The following CNBD1 variants were observed in gnomAD, a reference collection of about 807,000 sequenced individuals.
CNBD1 encodes the protein cyclic nucleotide binding domain containing 1, also known as cyclic nucleotide-binding domain-containing protein 1.
CNBD1 carries 71 observed loss-of-function variants against 54.4 expected under a neutral mutation model. That is an observed-to-expected ratio of 1.30 (90% CI 1.08 to 1.59). The LOEUF (loss-of-function observed/expected upper bound fraction) is 1.59, where lower values mean the gene tolerates loss of function less well. Among genes scored for constraint, CNBD1 ranks in the 40% most tolerant of loss-of-function variants. The pLI is 0.00. For synonymous variants in CNBD1, 182 were observed against 170.7 expected, an observed-to-expected ratio of 1.07 and a Z score of -0.51; for missense variants, 659 against 518.0, an observed-to-expected ratio of 1.27 and a Z score of -2.64.
chr8:87,255,288 G>T (rs1473122033), intron 6 of CNBD1, among the ~76,000 whole-genome samples: 1 of 152,048 alleles, frequency 6.6e-6, no homozygotes, highest in Admixed American at 6.6e-5. Context: ...AGAACCACAG[G>T]AAACAAGATG....
At chr8:87,121,416 TTTATGAGGTAC>T (rs1450319963) in intron 4 of CNBD1, among the ~76,000 whole-genome samples, 1 of 151,864 alleles carries the variant, frequency 6.6e-6, no homozygotes, top group Admixed American at 6.6e-5. Flanking sequence ...ATTTTATACA[TTTATGAGGTAC>T]AATGTGATGT....
At chr8:87,000,791 A>C (rs987117585) in intron 4 of CNBD1, among the ~76,000 whole-genome samples, 1 of 152,064 alleles carries the variant, frequency 6.6e-6, no homozygotes, top group Non-Finnish European at 1.5e-5. Context: ...TACAGATTTG[A>C]TGTCACCCTA....
At chr8:87,319,491 C>G (rs1809474284) in intron 8 of CNBD1, among the ~76,000 whole-genome samples, 1 of 151,866 alleles carries the variant, frequency 6.6e-6, no homozygotes, top group African/African-American at 2.4e-5. Flanking sequence ...ATAGAATAAC[C>G]TATATGAACT....
intron 4 of CNBD1, among the ~76,000 whole-genome samples, chr8:86,959,606 C>T (rs1807874774): frequency 6.6e-6 from 1 of 152,152 alleles, no homozygotes; most frequent in Admixed American, 6.5e-5. Flanking sequence ...ATTTGATCTT[C>T]AGTCACTGAT....
At chr8:87,410,217 T>A (rs1187815485) in intron 2 of CNBD1, among the ~76,000 whole-genome samples, 1 of 152,086 alleles carries the variant, frequency 6.6e-6, no homozygotes, top group African/African-American at 2.4e-5. Flanking sequence ...GAGATCCACA[T>A]GCCTGCTACC....
chr8:87,135,522 A>G (rs1812209695), intron 4 of CNBD1, among the ~76,000 whole-genome samples: 1 of 150,352 alleles, frequency 6.7e-6, no homozygotes. Context: ...TAATAAAGCA[A>G]TACATTTAAG....
In CNBD1 at chr8:86,999,533, TG is replaced by T. The variant is rs1563853201; in HGVS notation, c.431+59781del. Among the ~76,000 whole-genome samples the T allele has an allele frequency of 1.1e-4, 17 of 149,906 alleles. No homozygotes were observed. In the South Asian group the frequency reaches 3.3e-3, roughly 29 times the overall value. Reference sequence around the variant, plus strand: ...TTTTCCTGAAAGAACACCCACTCTGTGGTATTTAAAAAAAAAAAAAAAGTCT... The same window carrying T: ...TTTTCCTGAAAGAACACCCACTCTGTGTATTTAAAAAAAAAAAAAAAGTCT... On this transcript the variant is annotated intron_variant, in intron 4 of 10. Coordinates refer to ENST00000518476, the MANE Select transcript of CNBD1 (RefSeq NM_173538.3).
chr8:86,966,287 G>C (rs1341358025), intron 4 of CNBD1, among the ~76,000 whole-genome samples: 1 of 152,194 alleles, frequency 6.6e-6, no homozygotes, highest in East Asian at 1.9e-4. Context: ...TCATGGCCCA[G>C]GGGCTCTTCC....
intron 8 of CNBD1, among the ~76,000 whole-genome samples, chr8:87,292,745 T>C (rs1808810096): frequency 2.0e-5 from 3 of 152,182 alleles, no homozygotes; most frequent in South Asian, 4.1e-4. Flanking sequence ...TTCTGCCCAG[T>C]ATATATTTCT....
At chr8:86,892,723 T>C (rs527465748) in intron 2 of CNBD1, among the ~76,000 whole-genome samples, 39 of 152,280 alleles carry the variant, frequency 2.6e-4, no homozygotes, top group Non-Finnish European at 5.9e-5. Context: ...AGGAGGTTCC[T>C]GGAAAACCCT....
At chr8:86,984,935 A>AGGACATGAGATTTGGGAGGGGTCGGGGT (rs1403103533) in intron 4 of CNBD1, among the ~76,000 whole-genome samples, 2 of 152,066 alleles carry the variant, frequency 1.3e-5, no homozygotes, top group Admixed American at 1.3e-4. Flanking sequence ...GAAATTGGTG[A>AGGACATGAGATTTGGGAGGGGTCGGGGT]GGACATGAGA....
At chr8:87,263,990 G>T (rs1808196268) in intron 6 of CNBD1, among the ~76,000 whole-genome samples, 1 of 151,856 alleles carries the variant, frequency 6.6e-6, no homozygotes, top group African/African-American at 2.4e-5. Context: ...GTATTAAAAA[G>T]TATTTTATTT....
chr8:87,328,061 T>C (rs920814652), intron 8 of CNBD1, among the ~76,000 whole-genome samples: 2 of 152,116 alleles, frequency 1.3e-5, no homozygotes, highest in South Asian at 4.1e-4. Flanking sequence ...GGTGGTTTGC[T>C]GCACCTATCA....
intron 10 of CNBD1, among the ~76,000 whole-genome samples, chr8:87,375,391 A>G (rs1586059936): frequency 1.3e-5 from 2 of 152,008 alleles, no homozygotes; most frequent in East Asian, 3.9e-4. Flanking sequence ...ACCAATAATC[A>G]AAATTAAATT....
intron 4 of CNBD1, among the ~76,000 whole-genome samples, chr8:86,955,439 A>T (rs1369802598): frequency 2.0e-5 from 3 of 152,236 alleles, no homozygotes; most frequent in Admixed American, 6.5e-5. Flanking sequence ...ACTAGTTTAC[A>T]GTCCCACCAA....
chr8:87,123,147 A>G (rs1811922758), intron 4 of CNBD1, among the ~76,000 whole-genome samples: 1 of 151,818 alleles, frequency 6.6e-6, no homozygotes, highest in African/African-American at 2.4e-5. Flanking sequence ...ATGAACTTGA[A>G]TTACACTTTA....
intron 5 of CNBD1, among the ~76,000 whole-genome samples, chr8:87,210,948 C>G (rs1390148935): frequency 6.6e-6 from 1 of 152,138 alleles, no homozygotes; most frequent in African/African-American, 2.4e-5. Context: ...GCAGCTTGCA[C>G]TCTGCACCTG....
chr8:87,033,097 T>A (rs1336497555), intron 4 of CNBD1, among the ~76,000 whole-genome samples: 2 of 152,222 alleles, frequency 1.3e-5, no homozygotes, highest in African/African-American at 4.8e-5. Context: ...GTTTCAGGCT[T>A]GATGACCTTT....
intron 8 of CNBD1, among the ~76,000 whole-genome samples, chr8:87,304,683 C>A (rs1208136662): frequency 1.3e-5 from 2 of 151,740 alleles, no homozygotes; most frequent in East Asian, 1.9e-4. Context: ...TCAATAGATG[C>A]AGAAAAAGCA....
Sources: gnomAD v4.1 joint callset for allele counts (sites outside exome capture counted in the v4.1 genomes callset) on GRCh38, gnomAD v4.1.1 for gene constraint, MANE v1.5 for transcripts, NCBI Gene and HGNC (gene_info 2026-07-23, HGNC 2026-07-21) for gene names.